NKAIN2: variants seen among roughly 807,000 people sequenced by gnomAD.
NKAIN2 encodes the protein sodium/potassium transporting ATPase interacting 2.
In NKAIN2, 14 loss-of-function variants were observed where a neutral mutation model predicts 32.6. That is an observed-to-expected ratio of 0.43 (90% CI 0.28 to 0.67). The LOEUF is 0.67. NKAIN2 is among the 30% of genes least tolerant of loss of function. NKAIN2 has a pLI of 0.17. For missense variants in NKAIN2, 198 were observed against 258.3 expected, an observed-to-expected ratio of 0.77 and a Z score of 1.60; for synonymous variants, 80 against 87.2, an observed-to-expected ratio of 0.92 and a Z score of 0.46.
chr6:124,727,464 A>G (rs1000813852), intron 4 of NKAIN2, among the ~76,000 whole-genome samples: 10 of 149,950 alleles, frequency 6.7e-5, no homozygotes, highest in Non-Finnish European at 1.5e-4. Flanking sequence ...ACTAAGCTTC[A>G]TAAGTGAAGG....
chr6:124,618,752 C>T (rs1240301356), intron 3 of NKAIN2, among the ~76,000 whole-genome samples: 1 of 151,960 alleles, frequency 6.6e-6, no homozygotes, highest in African/African-American at 2.4e-5. Flanking sequence ...TATTTTAATG[C>T]CTTTATGAGT....
At chr6:124,489,654 C>T (rs907597530) in intron 3 of NKAIN2, among the ~76,000 whole-genome samples, 4 of 151,730 alleles carry the variant, frequency 2.6e-5, no homozygotes, top group African/African-American at 9.7e-5. Context: ...TGAAAAACAG[C>T]ATGGTTGTAT....
intron 1 of NKAIN2, among the ~76,000 whole-genome samples, chr6:124,252,425 A>T (rs1225700049): frequency 6.6e-6 from 1 of 152,104 alleles, no homozygotes; most frequent in African/African-American, 2.4e-5. Flanking sequence ...ATTAATACAA[A>T]TTTCAGGATC....
intron 3 of NKAIN2, among the ~76,000 whole-genome samples, chr6:124,379,112 A>C: frequency 9.3e-6 from 1 of 107,938 alleles, no homozygotes; most frequent in Admixed American, 1.1e-4. Context: ...AAAGGAAAGA[A>C]GAGGAGAGGG....
intron 1 of NKAIN2, among the ~76,000 whole-genome samples, chr6:124,085,500 A>G (rs966776391): frequency 1.3e-5 from 2 of 151,218 alleles, no homozygotes; most frequent in African/African-American, 4.9e-5. Flanking sequence ...CTTCGGCTCA[A>G]ATCCCAAATC....
chr6:124,823,479 G>T lies in NKAIN2; in HGVS notation c.*250G>T, dbSNP rs1381041575. Reference sequence around the variant, plus strand: ...AAATATGCAGGACACGCCCATCTTGGATTTCCTGAAAGCAGGCCCCTTTCT... The same window carrying T: ...AAATATGCAGGACACGCCCATCTTGTATTTCCTGAAAGCAGGCCCCTTTCT... On this transcript the variant is annotated 3_prime_UTR_variant, in exon 7 of 7. Transcript: ENST00000368417. 3 of 447,116 alleles carry T rather than the reference G, an allele frequency of 6.7e-6. No homozygotes were observed. The allele number at this position is 447,116 out of a possible 1,614,324, so 27.7% of individuals were successfully genotyped here.
chr6:124,703,901 AT>A (rs1446028724), intron 4 of NKAIN2, among the ~76,000 whole-genome samples: 1 of 152,088 alleles, frequency 6.6e-6, no homozygotes, highest in Non-Finnish European at 1.5e-5. Context: ...CATATAGGAC[AT>A]AAAAAGGCTT....
intron 1 of NKAIN2, among the ~76,000 whole-genome samples, chr6:124,166,836 G>T (rs973112583): frequency 6.9e-6 from 1 of 145,618 alleles, no homozygotes; most frequent in South Asian, 2.2e-4. Flanking sequence ...GTAGATATGC[G>T]GCGTTATTTC....
chr6:124,509,804 G>A (rs113572602), intron 3 of NKAIN2, among the ~76,000 whole-genome samples: 1,974 of 152,296 alleles, frequency 0.013, 38 homozygotes, highest in African/African-American at 0.045. Context: ...ACAATTCTAA[G>A]AGGCAGCATA....
At chr6:124,384,174 C>A (rs1258458961) in intron 3 of NKAIN2, among the ~76,000 whole-genome samples, 2 of 152,010 alleles carry the variant, frequency 1.3e-5, no homozygotes, top group Non-Finnish European at 2.9e-5. Flanking sequence ...ATCTGTCTCC[C>A]CAGACCTGGA....
chr6:123,816,292 T>A (rs1438301402), intron 1 of NKAIN2, among the ~76,000 whole-genome samples: 1 of 152,038 alleles, frequency 6.6e-6, no homozygotes, highest in African/African-American at 2.4e-5. Flanking sequence ...TGGGACCTTA[T>A]AGAATAGGAT....
intron 2 of NKAIN2, among the ~76,000 whole-genome samples, chr6:124,341,671 G>A (rs968408362): frequency 2.6e-5 from 4 of 152,166 alleles, no homozygotes; most frequent in African/African-American, 9.7e-5. Context: ...TCTATGATCT[G>A]CAGCATAATC....
At chr6:124,821,825 A>T (rs937174758) in intron 6 of NKAIN2, among the ~76,000 whole-genome samples, 1 of 152,212 alleles carries the variant, frequency 6.6e-6, no homozygotes, top group African/African-American at 2.4e-5. Flanking sequence ...ATCCCATAGG[A>T]GACCTCGGAT....
chr6:124,776,039 GCTGGCAGCT>G (rs1778970567), intron 4 of NKAIN2, among the ~76,000 whole-genome samples: 2 of 152,104 alleles, frequency 1.3e-5, no homozygotes, highest in Non-Finnish European at 2.9e-5. Flanking sequence ...TTTCCCTGAG[GCTGGCAGCT>G]CTGGCAGAAA....
chr6:124,169,363 C>T (rs1788733518), intron 1 of NKAIN2, among the ~76,000 whole-genome samples: 1 of 152,018 alleles, frequency 6.6e-6, no homozygotes, highest in Admixed American at 6.6e-5. Flanking sequence ...TATCTTTTTG[C>T]AATCAAAGTA....
At chr6:124,127,564 C>A (rs1308157857) in intron 1 of NKAIN2, among the ~76,000 whole-genome samples, 1 of 152,102 alleles carries the variant, frequency 6.6e-6, no homozygotes, top group Non-Finnish European at 1.5e-5. Flanking sequence ...AGTTCACATG[C>A]CATATTTTAG....
At chr6:124,614,658 C>CTT (rs746663612) in intron 3 of NKAIN2, among the ~76,000 whole-genome samples, 1 of 151,952 alleles carries the variant, frequency 6.6e-6, no homozygotes, top group Non-Finnish European at 1.5e-5. Flanking sequence ...TCACTCTACT[C>CTT]TTTCCTTTAA....
chr6:124,727,132 T>C (rs1444642354), intron 4 of NKAIN2, among the ~76,000 whole-genome samples: 1 of 152,030 alleles, frequency 6.6e-6, no homozygotes, highest in Non-Finnish European at 1.5e-5. Context: ...GAAAACATTC[T>C]GCAGGAGATT....
intron 1 of NKAIN2, chr6:124,121,741 T>G (rs980247910): frequency 4.9e-6 from 1 of 203,006 alleles, no homozygotes; most frequent in Admixed American, 5.5e-5. Context: ...AATTAATATT[T>G]TAGCATGCTG....
Sources: gnomAD v4.1 joint callset for allele counts (sites outside exome capture counted in the v4.1 genomes callset) on GRCh38, gnomAD v4.1.1 for gene constraint, MANE v1.5 for transcripts, NCBI Gene and HGNC (gene_info 2026-07-23, HGNC 2026-07-21) for gene names.